The following PINX1 variants were observed in gnomAD, a reference collection of about 807,000 sequenced individuals.
The protein encoded by PINX1 is PIN2 (TERF1) interacting telomerase inhibitor 1.
Under a neutral mutation model 25.4 loss-of-function variants are expected in PINX1, and 34 were observed. The observed-to-expected ratio is 1.34, with a 90% CI of 1.02 to 1.78. The LOEUF is 1.78. PINX1 is among the 40% of genes most tolerant of loss of function. The pLI is 0.00. For missense variants in PINX1, 592 were observed against 404.9 expected (o/e 1.46, Z -3.97); for synonymous variants, 197 against 147.7 (o/e 1.33, Z -2.42).
Position 10,831,317 on chromosome 8 carries a change from G to T in PINX1, c.301+348C>A, listed in dbSNP as rs552166894. 4.6e-5 allele frequency among the ~76,000 whole-genome samples: 7 copies of T among 152,294 alleles called. No individual in the cohort carries two copies. In the East Asian group the frequency reaches 1.3e-3, roughly 29 times the overall value. ...GCTATGTAGGAACAGCTAAAGATTG[G>T]CTAATGGATATAAAAGTCCCACTAC... On this transcript the variant is annotated intron_variant, in intron 4 of 6. Transcript: ENST00000314787.
At chr8:10,790,513 G>A (rs1314446766) in intron 6 of PINX1, among the ~76,000 whole-genome samples, 3 of 152,124 alleles carry the variant, frequency 2.0e-5, no homozygotes, top group East Asian at 1.9e-4. Context: ...TCCTCTCCCA[G>A]GAGCCGTGTC....
intron 5 of PINX1, 106 bp from the exon 6 acceptor site, chr8:10,820,375 A>G: frequency 1.3e-6 from 1 of 775,900 alleles, no homozygotes; most frequent in South Asian, 1.5e-5. Context: ...TTGGGAAAGA[A>G]AGAAACAATT....
intron 4 of PINX1, among the ~76,000 whole-genome samples, chr8:10,826,941 C>CA: frequency 6.6e-6 from 1 of 152,302 alleles, no homozygotes; most frequent in Non-Finnish European, 1.5e-5. Flanking sequence ...CATGAATCTG[C>CA]ACTTGTGATA....
intron 6 of PINX1, among the ~76,000 whole-genome samples, chr8:10,768,322 T>A (rs1801122504): frequency 6.6e-6 from 1 of 152,240 alleles, no homozygotes; most frequent in Non-Finnish European, 1.5e-5. Context: ...ACCTTGCTCA[T>A]CTATTTATTA....
chr8:10,767,762 CCA>C (rs150039692), intron 6 of PINX1, among the ~76,000 whole-genome samples: 8 of 143,688 alleles, frequency 5.6e-5, no homozygotes, highest in African/African-American at 1.6e-4. Flanking sequence ...ACCCTCACAG[CCA>C]CACAGAGACA....
chr8:10,773,887 C>T (rs1314453390), intron 6 of PINX1, among the ~76,000 whole-genome samples: 1 of 152,222 alleles, frequency 6.6e-6, no homozygotes. Context: ...GCTGCAGTGA[C>T]AAACTTTCCC....
chr8:10,817,561 T>C (rs1797737259), intron 6 of PINX1, among the ~76,000 whole-genome samples: 1 of 152,218 alleles, frequency 6.6e-6, no homozygotes, highest in African/African-American at 2.4e-5. Flanking sequence ...ATACTCTGTT[T>C]GTCTTAAATG....
chr8:10,826,227 C>T lies in PINX1; in HGVS notation c.319G>A (p.Glu107Lys), dbSNP rs1351222627. The T allele has an allele frequency of 3.2e-6, 5 of 1,578,496 alleles. No individual in the cohort carries two copies. The highest frequency in any genetic ancestry group is 4.5e-5 in the East Asian group (2 of 44,588). ...TCCTCAAGGCTAAAAGATTTCTTTT[C>T]CTTCTTGTCCGAGGAATCTTTAAAA... ...QETTDSSDKK[E>K]KKSFSLEEKS... is the part of the protein sequence containing the mutation. The change falls in exon 5 of 7, where the codon GAA becomes AAA. Residue 107 changes from glutamate (E) to lysine (K), a missense_variant. Physicochemically the swap from Glu to Lys is moderately conservative, Grantham distance 56 (BLOSUM62 1). Transcript: ENST00000314787.
intron 6 of PINX1, among the ~76,000 whole-genome samples, chr8:10,774,783 C>T (rs1301391136): frequency 6.6e-6 from 1 of 152,042 alleles, no homozygotes; most frequent in Non-Finnish European, 1.5e-5. Context: ...CTTTCTTTCA[C>T]CAGAAATCAA....
intron 6 of PINX1, among the ~76,000 whole-genome samples, chr8:10,789,021 C>T (rs1801839267): frequency 6.6e-6 from 1 of 152,106 alleles, no homozygotes; most frequent in Non-Finnish European, 1.5e-5. Flanking sequence ...AGAGCAGAGC[C>T]CTTTGTGGGA....
At position 10,839,859 on chromosome 8, in the gene PINX1, G is replaced by GGCGGACTGCAGCGGACGGGGC; in HGVS notation, c.-104_-103insGCCCCGTCCGCTGCAGTCCGC. ...TCAGGACGTGCGTAACTCCCTCGCC[G>GGCGGACTGCAGCGGACGGGGC]GCGGACTGCAGCGGACGGGGCGCGT... On this transcript the variant is annotated 5_prime_UTR_variant, in exon 1 of 7. Coordinates refer to ENST00000314787, the MANE Select transcript of PINX1 (RefSeq NM_017884.6). The GGCGGACTGCAGCGGACGGGGC allele has an allele frequency of 8.6e-7, 1 of 1,165,690 alleles. No individual in the cohort carries two copies. The highest frequency in any genetic ancestry group is 1.2e-6 in the Non-Finnish European group (1 of 822,522). The allele number at this position is 1,165,690 out of a possible 1,614,324, so 72.2% of individuals were successfully genotyped here.
chr8:10,785,731 C>T (rs1009820769), intron 6 of PINX1, among the ~76,000 whole-genome samples: 1 of 152,142 alleles, frequency 6.6e-6, no homozygotes, highest in Non-Finnish European at 1.5e-5. Context: ...GTGGAAAGAC[C>T]GATTTTTAAG....
At chr8:10,838,208 G>T (rs1798462305) in intron 1 of PINX1, among the ~76,000 whole-genome samples, 1 of 152,162 alleles carries the variant, frequency 6.6e-6, no homozygotes, top group Non-Finnish European at 1.5e-5. Context: ...TGTATAATTT[G>T]TCTAAGGTTT....
chr8:10,831,785 T>C (rs556801138), intron 3 of PINX1, 42 bp from the exon 4 acceptor site: 39 of 1,101,550 alleles, frequency 3.5e-5, no homozygotes, highest in Non-Finnish European at 5.2e-5. Flanking sequence ...AGCCTGTAGT[T>C]TACTTACACT....
chr8:10,778,495 T>G (rs1801483986), intron 6 of PINX1, among the ~76,000 whole-genome samples: 1 of 152,142 alleles, frequency 6.6e-6, no homozygotes, highest in Non-Finnish European at 1.5e-5. Flanking sequence ...AGGGTTCAAG[T>G]GAGAGGCAGC....
Position 10,820,206 on chromosome 8 carries a change from T to C in PINX1, c.458A>G (p.Lys153Arg), listed in dbSNP as rs1797824651. 8 of 1,609,480 alleles carry C rather than the reference T, an allele frequency of 5.0e-6. No homozygotes were observed. The highest frequency in any genetic ancestry group is 6.8e-6 in the Non-Finnish European group (8 of 1,175,968). The change falls in exon 6 of 7, where the codon AAG becomes AGG. Residue 153 changes from lysine to arginine, a missense_variant. Coordinates refer to ENST00000314787, the MANE Select transcript of PINX1 (RefSeq NM_017884.6). ...GTGGCTTTATACCTCGGGAGTCTTC[T>C]TACTCTGTCTTTTCCCAAAAATGCA... is the stretch of plus-strand genomic sequence containing the variant. ...LDCIFGKRQS[K>R]KTPEGDASPS...
At chr8:10,837,635 C>T (rs1021246587) in intron 1 of PINX1, among the ~76,000 whole-genome samples, 6 of 152,204 alleles carry the variant, frequency 3.9e-5, no homozygotes, top group Non-Finnish European at 7.4e-5. Context: ...CATCCTCTAG[C>T]AGGTACTCCT....
chr8:10,782,044 T>C (rs1801602360), intron 6 of PINX1, among the ~76,000 whole-genome samples: 1 of 152,130 alleles, frequency 6.6e-6, no homozygotes, highest in Non-Finnish European at 1.5e-5. Flanking sequence ...TGCCACGACA[T>C]GGATGAACCT....
intron 6 of PINX1, among the ~76,000 whole-genome samples, chr8:10,809,576 T>C (rs1347001551): frequency 2.0e-5 from 3 of 152,136 alleles, no homozygotes; most frequent in Non-Finnish European, 4.4e-5. Context: ...CCAGCCAATA[T>C]CCCACTGCAC....
Sources: gnomAD v4.1 joint callset for allele counts (sites outside exome capture counted in the v4.1 genomes callset) on GRCh38, gnomAD v4.1.1 for gene constraint, MANE v1.5 for transcripts, NCBI Gene and HGNC (gene_info 2026-07-23, HGNC 2026-07-21) for gene names.